The following NEK10 variants were observed in gnomAD, a reference collection of about 807,000 sequenced individuals.
NEK10 encodes the protein serine/threonine-protein kinase Nek10.
NEK10 carries 122 observed loss-of-function variants against 159.8 expected under a neutral mutation model. The observed-to-expected ratio is 0.76, with a 90% CI of 0.66 to 0.89. The LOEUF is 0.89. Among genes scored for constraint, NEK10 ranks in the 40% least tolerant of loss-of-function variants. The pLI, the probability that NEK10 is intolerant of heterozygous loss-of-function variation, is 0.00. For missense variants in NEK10, 1,342 were observed against 1,323.1 expected (o/e 1.01, Z -0.22); for synonymous variants, 466 against 457.1 (o/e 1.02, Z -0.25).
At chr3:27,359,430 CAA>C (rs2048534602) in intron 1 of NEK10, among the ~76,000 whole-genome samples, 1 of 152,098 alleles carries the variant, frequency 6.6e-6, no homozygotes, top group African/African-American at 2.4e-5. Flanking sequence ...TTTTAGATGA[CAA>C]GTTACAGTTC....
rs148587130 is a variant in NEK10, at chr3:27,236,975, C to T, written c.2090+19321G>A. ...GGCATATTTCTGTCCTTATCTCAACCGCATAAGACAGACACTCCCAAAGTG... is the reference window on the plus strand; with the variant it reads ...GGCATATTTCTGTCCTTATCTCAACTGCATAAGACAGACACTCCCAAAGTG... On this transcript the variant is annotated intron_variant, in intron 23 of 35. Coordinates refer to ENST00000691995, the MANE Select transcript of NEK10 (RefSeq NM_001394966.1). Among the ~76,000 whole-genome samples, 211 of 152,130 alleles carry T rather than the reference C, an allele frequency of 1.4e-3. 1 individual carries two copies. Among genetic ancestry groups the T allele is most frequent in the African/African-American group, 4.8e-3 (198 of 41,486 alleles).
intron 26 of NEK10, among the ~76,000 whole-genome samples, chr3:27,182,457 A>G (rs773950037): frequency 6.6e-6 from 1 of 152,156 alleles, no homozygotes; most frequent in African/African-American, 2.4e-5. Context: ...GTTCAGAAAT[A>G]GACCTGCAAG....
intron 26 of NEK10, among the ~76,000 whole-genome samples, chr3:27,180,347 A>T (rs1337514813): frequency 6.6e-6 from 1 of 151,014 alleles, no homozygotes; most frequent in Non-Finnish European, 1.5e-5. Context: ...GTGAGCCAAG[A>T]TCACACCACT....
chr3:27,330,925 C>T (rs1037897707), intron 5 of NEK10, among the ~76,000 whole-genome samples: 1 of 152,130 alleles, frequency 6.6e-6, no homozygotes, highest in Admixed American at 6.5e-5. Flanking sequence ...GCCGTTATAA[C>T]ATTTTTTAGT....
chr3:27,138,377 G>C (rs1943437571), intron 31 of NEK10, among the ~76,000 whole-genome samples: 1 of 152,198 alleles, frequency 6.6e-6, no homozygotes, highest in South Asian at 2.1e-4. Context: ...AGTTTCTCCA[G>C]TATAGCACCT....
intron 10 of NEK10, 59 bp downstream of exon 10, chr3:27,308,867 T>A: frequency 1.4e-6 from 1 of 736,894 alleles, no homozygotes; most frequent in Non-Finnish European, 2.3e-6. Flanking sequence ...TTTTGCATCC[T>A]TACCACCTAA....
intron 22 of NEK10, among the ~76,000 whole-genome samples, chr3:27,261,872 G>T (rs1311301185): frequency 2.0e-5 from 3 of 152,160 alleles, no homozygotes; most frequent in Non-Finnish European, 4.4e-5. Context: ...CTCCTTCTAG[G>T]TCTCTAATGA....
intron 23 of NEK10, chr3:27,216,321 G>A (rs951116304): frequency 6.4e-6 from 1 of 156,348 alleles, no homozygotes; most frequent in African/African-American, 2.4e-5. Flanking sequence ...ATTGAGTACT[G>A]CAGTCTAAAA....
In NEK10 at chr3:27,337,906, A is replaced by AT. The variant is rs201033426; in HGVS notation, c.362+6365dup. Among the ~76,000 whole-genome samples, 43 of 151,262 alleles carry AT rather than the reference A, an allele frequency of 2.8e-4. No homozygotes were observed. The East Asian group carries it at 6.6e-3, about 23-fold the overall frequency. The stretch of plus-strand genomic sequence containing the variant: ...GAAACATAGGAAGGTGTAGGCAAAG[A>AT]TTTTTTTTTAGGGTTTTGATTGCTA... On this transcript the variant is annotated intron_variant, in intron 5 of 35. Transcript: ENST00000691995.
chr3:27,147,881 A>G (rs952240539), intron 30 of NEK10, among the ~76,000 whole-genome samples: 1 of 152,124 alleles, frequency 6.6e-6, no homozygotes, highest in Non-Finnish European at 1.5e-5. Context: ...AACTACATAA[A>G]TCTCTGTTCT....
At chr3:27,146,755 C>T (rs1393455757) in intron 30 of NEK10, among the ~76,000 whole-genome samples, 1 of 152,066 alleles carries the variant, frequency 6.6e-6, no homozygotes, top group African/African-American at 2.4e-5. Context: ...TTGAGAAGAC[C>T]AGGAAGAATT....
chr3:27,186,687 T>C (rs1948652333), intron 26 of NEK10, among the ~76,000 whole-genome samples: 1 of 152,198 alleles, frequency 6.6e-6, no homozygotes, highest in Admixed American at 6.5e-5. Context: ...TTGCTAACTG[T>C]GGTATACTTT....
At chr3:27,288,974 A>G (rs1189780130) in intron 19 of NEK10, among the ~76,000 whole-genome samples, 1 of 152,122 alleles carries the variant, frequency 6.6e-6, no homozygotes, top group Non-Finnish European at 1.5e-5. Flanking sequence ...GGGTGAGGCT[A>G]CCACTCAGTT....
chr3:27,305,543 C>CA (rs1329457008), intron 11 of NEK10, among the ~76,000 whole-genome samples: 2 of 150,020 alleles, frequency 1.3e-5, no homozygotes, highest in African/African-American at 4.9e-5. Context: ...AAAACAAAAA[C>CA]AAAAAACAAA....
At chr3:27,118,494 G>T (rs149181164) in intron 33 of NEK10, among the ~76,000 whole-genome samples, 44 of 152,316 alleles carry the variant, frequency 2.9e-4, no homozygotes, top group African/African-American at 1.1e-3. Context: ...TGTGAGTACT[G>T]GTGGCTCATC....
At chr3:27,296,660 C>A (rs1023972652) in intron 14 of NEK10, among the ~76,000 whole-genome samples, 3 of 152,120 alleles carry the variant, frequency 2.0e-5, no homozygotes, top group South Asian at 2.1e-4. Flanking sequence ...TAATATAGAT[C>A]TATTAATTTA....
At chr3:27,257,628 A>C (rs1956340108) in intron 22 of NEK10, among the ~76,000 whole-genome samples, 1 of 152,178 alleles carries the variant, frequency 6.6e-6, no homozygotes, top group South Asian at 2.1e-4. Flanking sequence ...TAACACTCAT[A>C]GCACTCTGAA....
At chr3:27,201,701 T>G (rs1950059484) in intron 24 of NEK10, 121 bp from the exon 25 acceptor site, 1 of 682,710 alleles carries the variant, frequency 1.5e-6, no homozygotes, top group African/African-American at 1.8e-5. Context: ...ACATAAATTT[T>G]AGTCAGAAAT....
At chr3:27,266,682 C>T (rs1419897798) in intron 22 of NEK10, among the ~76,000 whole-genome samples, 2 of 152,160 alleles carry the variant, frequency 1.3e-5, no homozygotes, top group African/African-American at 4.8e-5. Flanking sequence ...TCATCATTGC[C>T]CTGCTTTGTT....
Sources: gnomAD v4.1 joint callset for allele counts (sites outside exome capture counted in the v4.1 genomes callset) on GRCh38, gnomAD v4.1.1 for gene constraint, MANE v1.5 for transcripts, NCBI Gene and HGNC (gene_info 2026-07-23, HGNC 2026-07-21) for gene names.